CEP95: variants seen among roughly 807,000 people sequenced by gnomAD.
CEP95 encodes the protein centrosomal protein of 95 kDa.
In CEP95, 98 loss-of-function variants were observed where a neutral mutation model predicts 111.2. The observed-to-expected ratio is 0.88, with a 90% CI of 0.75 to 1.04. The LOEUF (loss-of-function observed/expected upper bound fraction) is 1.04. Among genes scored for constraint, CEP95 ranks in the 50% least tolerant of loss-of-function variants. CEP95 has a pLI of 0.00. For synonymous variants in CEP95, 323 were observed against 327.1 expected, an observed-to-expected ratio of 0.99 and a Z score of 0.14; for missense variants, 1,027 against 977.2, an observed-to-expected ratio of 1.05 and a Z score of -0.68.
At chr17:64,524,694 C>T (rs782086191) in intron 8 of CEP95, among the ~76,000 whole-genome samples, 6 of 151,728 alleles carry the variant, frequency 4.0e-5, no homozygotes, top group Admixed American at 1.3e-4. Flanking sequence ...AATAAATGGC[C>T]GGGTGCGGTG....
chr17:64,519,587 T>C (rs1967151973), intron 6 of CEP95, among the ~76,000 whole-genome samples, 151 bp downstream of exon 6: 1 of 152,224 alleles, frequency 6.6e-6, no homozygotes, highest in South Asian at 2.1e-4. Flanking sequence ...CCATTAAATA[T>C]GAACACTTAT....
At chr17:64,526,895 G>C in intron 10 of CEP95, 1 of 357,164 alleles carries the variant, frequency 2.8e-6, no homozygotes, top group Non-Finnish European at 5.2e-6. Flanking sequence ...AGTAGGCAGA[G>C]GTTACAGTGA....
At chr17:64,529,675 A>G (rs1418106055) in intron 12 of CEP95, among the ~76,000 whole-genome samples, 1 of 152,196 alleles carries the variant, frequency 6.6e-6, no homozygotes, top group Non-Finnish European at 1.5e-5. Context: ...GAAAGAGGAG[A>G]TCAGTGTGAG....
intron 1 of CEP95, chr17:64,507,931 G>A: frequency 3.0e-6 from 3 of 985,394 alleles, no homozygotes; most frequent in Non-Finnish European, 3.6e-6. Flanking sequence ...GCAATATCTA[G>A]GGGAGAGGAG....
Position 64,529,447 on chromosome 17 carries a change from C to T in CEP95, c.1446+20C>T. On this transcript the variant is annotated intron_variant, in intron 12 of 19. Transcript: ENST00000556440. ...GCACAGGTTCTTCCCCATCTCTTGA[C>T]TACCATTAAGCAGCAGCCAGTACCA... The T allele has an allele frequency of 6.2e-7, 1 of 1,612,216 alleles. No homozygotes were observed. The highest frequency in any genetic ancestry group is 8.5e-7 in the Non-Finnish European group (1 of 1,178,918).
intron 1 of CEP95, chr17:64,507,414 T>A (rs191158201): frequency 7.3e-7 from 1 of 1,365,888 alleles, no homozygotes; most frequent in African/African-American, 1.5e-5. Flanking sequence ...CTTGTCTTTC[T>A]GTGGGGCGTC....
At chr17:64,525,251 GGA>G (rs1257676868) in intron 8 of CEP95, among the ~76,000 whole-genome samples, 4 of 152,014 alleles carry the variant, frequency 2.6e-5, no homozygotes, top group Non-Finnish European at 4.4e-5. Context: ...GGCTGAGGCA[GGA>G]GAATCGCTTG....
intron 8 of CEP95, among the ~76,000 whole-genome samples, chr17:64,523,728 T>C (rs568710386): frequency 5.9e-5 from 9 of 152,236 alleles, no homozygotes; most frequent in African/African-American, 1.9e-4. Flanking sequence ...TAGTGAGACC[T>C]TGTCTCTGCT....
Position 64,537,618 on chromosome 17 carries a change from A to C in CEP95, c.2305A>C (p.Lys769Gln), listed in dbSNP as rs782433279. The C allele has an allele frequency of 1.9e-6, 3 of 1,608,942 alleles. No individual in the cohort carries two copies. The highest frequency in any genetic ancestry group is 2.5e-6 in the Non-Finnish European group (3 of 1,176,706). Residue 769 changes from lysine to glutamine, a missense_variant, in exon 20 of 20, where the codon AAG becomes CAG. Coordinates refer to ENST00000556440, the MANE Select transcript of CEP95 (RefSeq NM_138363.3). The part of the protein sequence containing the change: ...KSQAQTLHKV[K>Q]RELRSKMEKE... ...CTTTTTTCAGACATTACATAAGGTG[A>C]AGAGGGAGCTGAGATCTAAGATGGA...
chr17:64,528,928 C>T (rs1968062553), intron 11 of CEP95, among the ~76,000 whole-genome samples: 1 of 152,220 alleles, frequency 6.6e-6, no homozygotes, highest in Non-Finnish European at 1.5e-5. Context: ...ATCCCACCTT[C>T]TCAGGACCCA....
intron 4 of CEP95, chr17:64,514,811 A>G: frequency 5.2e-6 from 1 of 191,704 alleles, no homozygotes; most frequent in Admixed American, 6.0e-5. Context: ...GCAAAAAGTG[A>G]AAGAACTTAA....
intron 1 of CEP95, chr17:64,507,882 T>C (rs931716903): frequency 1.5e-5 from 15 of 985,356 alleles, no homozygotes; most frequent in Non-Finnish European, 1.8e-5. Context: ...TAAGCTAAGT[T>C]ACTTTTGGTA....
intron 12 of CEP95, among the ~76,000 whole-genome samples, 187 bp from the exon 13 acceptor site, chr17:64,530,739 C>T (rs1234062239): frequency 6.6e-6 from 1 of 152,106 alleles, no homozygotes; most frequent in Non-Finnish European, 1.5e-5. Context: ...AACTCCTGAC[C>T]TCAGGTGATC....
chr17:64,526,154 A>G lies in CEP95; in HGVS notation c.1106A>G (p.His369Arg), dbSNP rs1457094511. The G allele has an allele frequency of 6.2e-7, 1 of 1,613,420 alleles. No homozygotes were observed. Among genetic ancestry groups the G allele is most frequent in the Non-Finnish European group, 8.5e-7 (1 of 1,179,736 alleles). Residue 369 changes from histidine (H) to arginine (R), a missense_variant, in exon 10 of 20, where the codon CAT becomes CGT. By Grantham distance (29) the His-to-Arg change is conservative. Transcript: ENST00000556440. ...AAGAGATTAACAGAACAAGAATTAC[A>G]TGATGTATCAGAAAAACTCTCTCAG... ...PRKRLTEQEL[H>R]DVSEKLSQRL...
intron 7 of CEP95, among the ~76,000 whole-genome samples, 160 bp from the exon 8 acceptor site, chr17:64,522,542 C>G (rs1330705198): frequency 6.6e-6 from 1 of 151,670 alleles, no homozygotes; most frequent in East Asian, 1.9e-4. Flanking sequence ...TGTGCTGAGG[C>G]TATATCCCTG....
chr17:64,515,137 T>C (rs1251604912), intron 4 of CEP95, among the ~76,000 whole-genome samples: 4 of 152,320 alleles, frequency 2.6e-5, no homozygotes, highest in African/African-American at 9.6e-5. Flanking sequence ...TCTGCCACAC[T>C]GGACATTTCT....
At chr17:64,507,328 A>C (rs2038604465) in intron 1 of CEP95, 1 of 1,438,336 alleles carries the variant, frequency 7.0e-7, no homozygotes, top group East Asian at 2.5e-5. Context: ...TGGGAGAGAG[A>C]GAGGCACTGG....
intron 16 of CEP95, chr17:64,533,991 C>T (rs1324242418): frequency 2.6e-5 from 4 of 152,170 alleles, no homozygotes; most frequent in Non-Finnish European, 5.9e-5. Context: ...AAACAATCTG[C>T]CAAAGGGAGA....
intron 10 of CEP95, 94 bp from the exon 11 acceptor site, chr17:64,526,992 CGTCTGAAAACTTGTTATTAGTGACT>C: frequency 1.4e-6 from 1 of 692,354 alleles, no homozygotes; most frequent in Non-Finnish European, 2.5e-6. Context: ...CATGCATAAG[CGTCTGAAAACTTGTTATTAGTGACT>C]GTCAAAGGAA....
Sources: gnomAD v4.1 joint callset for allele counts (sites outside exome capture counted in the v4.1 genomes callset) on GRCh38, gnomAD v4.1.1 for gene constraint, MANE v1.5 for transcripts, NCBI Gene and HGNC (gene_info 2026-07-23, HGNC 2026-07-21) for gene names.